Variants in ABHD3 observed in about 807,000 individuals in gnomAD.
ABHD3 encodes abhydrolase domain containing 3, phospholipase.
Under a neutral mutation model 48.8 loss-of-function variants are expected in ABHD3, and 46 were observed. The ratio of observed to expected loss-of-function variants is 0.94; its 90% CI spans 0.74 to 1.20. The LOEUF (loss-of-function observed/expected upper bound fraction) is 1.20, where lower values mean the gene tolerates loss of function less well. ABHD3 is among the 50% of genes most tolerant of loss of function. The pLI is 0.00. For missense variants in ABHD3, 490 were observed against 497.8 expected, an observed-to-expected ratio of 0.98 and a Z score of 0.15; for synonymous variants, 192 against 183.7, an observed-to-expected ratio of 1.04 and a Z score of -0.36.
chr18:21,703,718 A>G lies in ABHD3; in HGVS notation c.192T>C (p.Ser64=), dbSNP rs1468440939. The G allele has an allele frequency of 6.2e-7, 1 of 1,613,754 alleles. No individual in the cohort carries two copies. The highest frequency in any genetic ancestry group is 8.5e-7 in the Non-Finnish European group (1 of 1,179,944). ...AGTGGTCTTGAAGGAAGCGGCTGAAACTCTCACCCCCGGTCACTAACTGGG... is the reference window on the plus strand; with the variant it reads ...AGTGGTCTTGAAGGAAGCGGCTGAAGCTCTCACCCCCGGTCACTAACTGGG... ...KKPQLVTGGE[S]FSRFLQDHCP... The change falls in exon 2 of 9, where the codon AGT becomes AGC. Residue 64 remains serine (S), a synonymous_variant. Coordinates refer to ENST00000289119, the MANE Select transcript of ABHD3 (RefSeq NM_138340.5).
intron 6 of ABHD3, 95 bp downstream of exon 6, chr18:21,659,075 G>C (rs886588607): frequency 2.3e-6 from 3 of 1,288,382 alleles, no homozygotes; most frequent in South Asian, 1.5e-5. Context: ...TCCTGACCTC[G>C]TGATCCCCCC....
chr18:21,693,691 T>C (rs1287632135), intron 3 of ABHD3, among the ~76,000 whole-genome samples: 1 of 152,228 alleles, frequency 6.6e-6, no homozygotes, highest in East Asian at 1.9e-4. Flanking sequence ...CTTCATTCAG[T>C]GCTTTCTAAC....
At position 21,656,855 on chromosome 18, in the gene ABHD3, T is replaced by A; in HGVS notation, c.1057+6A>T. The A allele has an allele frequency of 6.3e-7, 1 of 1,578,774 alleles. No individual in the cohort carries two copies. The highest frequency in any genetic ancestry group is 8.6e-7 in the Non-Finnish European group (1 of 1,160,690). On this transcript the variant is annotated splice_donor_region_variant and intron_variant, in intron 8 of 8. Coordinates refer to ENST00000289119, the MANE Select transcript of ABHD3 (RefSeq NM_138340.5). ...GTCAAAATATATACAAATATGTTAA[T>A]TTTACCATGACTGGGTGAGAAAACA... is the stretch of plus-strand genomic sequence containing the variant.
At position 21,704,763 on chromosome 18, in the gene ABHD3, C is replaced by T. The variant is rs1327194614; in HGVS notation, c.-98G>A. On this transcript the variant is annotated 5_prime_UTR_variant, in exon 1 of 9. Transcript: ENST00000289119. The stretch of plus-strand genomic sequence containing the variant: ...AGCGGACGCGGCGCCGCTGCCTACT[C>T]CCGACCACAGTGTCTCCTGCCTGGC... 9.2e-7 allele frequency: 1 copy of T among 1,089,426 alleles called. No homozygotes were observed. The highest frequency in any genetic ancestry group is 1.2e-6 in the Non-Finnish European group (1 of 858,672). 67.5% of individuals were successfully genotyped at this position (1,089,426 alleles called of 1,614,324 possible). A position where few individuals can be genotyped will look rare whatever the true frequency, so the allele number is the denominator to read the frequency against.
chr18:21,668,231 GA>G (rs2039682629), intron 4 of ABHD3, among the ~76,000 whole-genome samples: 4 of 117,896 alleles, frequency 3.4e-5, no homozygotes, highest in Non-Finnish European at 1.8e-5. Flanking sequence ...GAAAGAAAAA[GA>G]AAAGAAAATA....
At chr18:21,671,934 G>A (rs925462581) in intron 4 of ABHD3, among the ~76,000 whole-genome samples, 9 of 152,068 alleles carry the variant, frequency 5.9e-5, no homozygotes, top group Admixed American at 2.0e-4. Context: ...ACCATGCCTG[G>A]CCAACAACAG....
intron 4 of ABHD3, among the ~76,000 whole-genome samples, chr18:21,671,197 A>G (rs564874219): frequency 5.0e-4 from 76 of 152,204 alleles, no homozygotes; most frequent in Non-Finnish European, 7.2e-4. Flanking sequence ...GAACTGACAC[A>G]CAGGACTAAA....
chr18:21,676,666 C>T (rs978568944), intron 4 of ABHD3, among the ~76,000 whole-genome samples: 1 of 152,224 alleles, frequency 6.6e-6, no homozygotes, highest in Non-Finnish European at 1.5e-5. Flanking sequence ...GCTGGGATTA[C>T]CCGCATAAGC....
chr18:21,674,891 G>A (rs1401193592), intron 4 of ABHD3, among the ~76,000 whole-genome samples: 2 of 151,992 alleles, frequency 1.3e-5, no homozygotes, highest in East Asian at 1.9e-4. Context: ...CTTTCTAAAT[G>A]CCTTCTTCAG....
intron 5 of ABHD3, chr18:21,663,848 T>C (rs527550020): frequency 2.7e-6 from 4 of 1,508,752 alleles, no homozygotes; most frequent in African/African-American, 2.8e-5. Flanking sequence ...CGGTGAGTGA[T>C]GCAATCGACT....
chr18:21,661,556 A>G (rs1185259055), intron 5 of ABHD3, among the ~76,000 whole-genome samples: 4 of 152,026 alleles, frequency 2.6e-5, no homozygotes, highest in Non-Finnish European at 4.4e-5. Flanking sequence ...ACTTGAACCC[A>G]GGAGGCAAAG....
chr18:21,663,738 G>A lies in ABHD3; in HGVS notation c.668+380C>T, dbSNP rs1373750020. On this transcript the variant is annotated intron_variant, in intron 5 of 8. Coordinates refer to ENST00000289119, the MANE Select transcript of ABHD3 (RefSeq NM_138340.5). ...GAGAGAGCAATAAGTGATTATTTCTGTAACTGGAGTGATGAAAGTCATGCT... is the reference window on the plus strand; with the variant it reads ...GAGAGAGCAATAAGTGATTATTTCTATAACTGGAGTGATGAAAGTCATGCT... 15 of 1,535,454 alleles carry A rather than the reference G, an allele frequency of 9.8e-6. No homozygotes were observed. In the South Asian group the frequency reaches 1.8e-4, roughly 18 times the overall value.
At chr18:21,656,413 A>C (rs918498631) in intron 8 of ABHD3, among the ~76,000 whole-genome samples, 4 of 152,150 alleles carry the variant, frequency 2.6e-5, no homozygotes, top group Non-Finnish European at 4.4e-5. Flanking sequence ...CTTCTAGTCC[A>C]AATATGCTTC....
chr18:21,678,350 A>G (rs762838309), intron 4 of ABHD3, among the ~76,000 whole-genome samples: 5 of 152,100 alleles, frequency 3.3e-5, no homozygotes, highest in Non-Finnish European at 7.4e-5. Context: ...CTGCCAGACT[A>G]TTTTCCAAAG....
chr18:21,695,188 A>T (rs1163924090), intron 3 of ABHD3, among the ~76,000 whole-genome samples: 1 of 152,096 alleles, frequency 6.6e-6, no homozygotes, highest in Admixed American at 6.6e-5. Flanking sequence ...ACCCGCCACC[A>T]GGCTAAAGTT....
chr18:21,702,617 G>A (rs1335228445), intron 2 of ABHD3, 119 bp from the exon 3 acceptor site: 3 of 827,524 alleles, frequency 3.6e-6, no homozygotes, highest in African/African-American at 1.8e-5. Flanking sequence ...CAGCATTCAC[G>A]AACACACACC....
At chr18:21,687,555 C>G (rs1258700836) in intron 3 of ABHD3, among the ~76,000 whole-genome samples, 1 of 152,136 alleles carries the variant, frequency 6.6e-6, no homozygotes, top group Non-Finnish European at 1.5e-5. Flanking sequence ...TTAATTTTTA[C>G]AGTTACCTCA....
Position 21,700,827 on chromosome 18 carries a change from C to CAAAAAAAAAAAAA in ABHD3, c.509+1476_509+1488dup, listed in dbSNP as rs375239917. ...TTTCTGAGCATGACTAAGTTTTAGC[C>CAAAAAAAAAAAAA]AAAAAAAAAAAAAAAAAAAAAATGG... On this transcript the variant is annotated intron_variant, in intron 3 of 8. Coordinates refer to ENST00000289119, the MANE Select transcript of ABHD3 (RefSeq NM_138340.5). Among the ~76,000 whole-genome samples the CAAAAAAAAAAAAA allele has an allele frequency of 6.0e-4, 57 of 94,368 alleles. 1 individual carries two copies. The highest frequency in any genetic ancestry group is 1.9e-3 in the African/African-American group (55 of 28,662). 61.9% of individuals were successfully genotyped at this position (94,368 alleles called of 152,430 possible).
At position 21,704,749 on chromosome 18, in the gene ABHD3, C is replaced by T. The variant is rs547796202; in HGVS notation, c.-84G>A. On this transcript the variant is annotated 5_prime_UTR_variant, in exon 1 of 9. Transcript: ENST00000289119. ...CGAGAGCGGGCGAGAGCGGACGCGG[C>T]GCCGCTGCCTACTCCCGACCACAGT... 17 of 969,378 alleles carry T rather than the reference C, an allele frequency of 1.8e-5. No individual in the cohort carries two copies. The African/African-American group carries it at 4.8e-4, about 28-fold the overall frequency. The allele number at this position is 969,378 out of a possible 1,614,324, so 60.0% of individuals were successfully genotyped here. A position where few individuals can be genotyped will look rare whatever the true frequency, so the allele number is the denominator to read the frequency against.
Sources: allele counts gnomAD v4.1 joint callset (sites outside exome capture counted in the v4.1 genomes callset), GRCh38; gene constraint gnomAD v4.1.1; transcripts MANE v1.5; gene names NCBI Gene and HGNC (gene_info 2026-07-23, HGNC 2026-07-21).